Variants in KCNQ5 observed in about 807,000 individuals in gnomAD.
KCNQ5 encodes potassium voltage-gated channel subfamily Q member 5.
KCNQ5 carries 30 observed loss-of-function variants against 98.2 expected under a neutral mutation model. The ratio of observed to expected loss-of-function variants is 0.31; its 90% CI spans 0.23 to 0.41. The LOEUF (loss-of-function observed/expected upper bound fraction) is 0.41, where lower values mean the gene tolerates loss of function less well. Among genes scored for constraint, KCNQ5 ranks in the 10% least tolerant of loss-of-function variants. KCNQ5 has a pLI of 1.00. For missense variants in KCNQ5, 835 were observed against 1,182.5 expected (o/e 0.71, Z 4.31); for synonymous variants, 458 against 449.4 (o/e 1.02, Z -0.24).
chr6:72,930,083 C>A (rs1464356168), intron 1 of KCNQ5, among the ~76,000 whole-genome samples: 1 of 151,806 alleles, frequency 6.6e-6, no homozygotes, highest in Non-Finnish European at 1.5e-5. Context: ...TATGAATGAC[C>A]ATTTTTTAAG....
At chr6:72,724,894 A>G (rs1477699912) in intron 1 of KCNQ5, among the ~76,000 whole-genome samples, 1 of 152,226 alleles carries the variant, frequency 6.6e-6, no homozygotes, top group African/African-American at 2.4e-5. Flanking sequence ...TTAACTTACC[A>G]TAGGCTTCAG....
At chr6:73,172,744 G>T (rs1582485256) in intron 11 of KCNQ5, among the ~76,000 whole-genome samples, 2 of 152,012 alleles carry the variant, frequency 1.3e-5, no homozygotes, top group South Asian at 4.1e-4. Context: ...GTAACTTTGG[G>T]CATTTTTCTT....
chr6:72,782,499 T>C (rs1437740379), intron 1 of KCNQ5, among the ~76,000 whole-genome samples: 1 of 152,166 alleles, frequency 6.6e-6, no homozygotes, highest in Non-Finnish European at 1.5e-5. Context: ...CCATTTTCCT[T>C]TTAAAATTCC....
At chr6:73,052,537 C>T (rs576478112) in intron 3 of KCNQ5, among the ~76,000 whole-genome samples, 1 of 152,170 alleles carries the variant, frequency 6.6e-6, no homozygotes, top group Admixed American at 6.5e-5. Context: ...TAACAGCACA[C>T]CTTTCAGCAG....
intron 1 of KCNQ5, among the ~76,000 whole-genome samples, chr6:73,001,458 A>G (rs1212146138): frequency 6.6e-6 from 1 of 152,212 alleles, no homozygotes; most frequent in Non-Finnish European, 1.5e-5. Context: ...TCAAATATTG[A>G]TGAAGAAGGA....
Position 73,194,547 on chromosome 6 carries a change from C to T in KCNQ5, c.1932C>T (p.Phe644=). Reference sequence around the variant, plus strand: ...CCTCAGCCCTCGCTTTGGCTTCATTCCAGATCCCACCTTTTGAATGTGAAC... The same window carrying T: ...CCTCAGCCCTCGCTTTGGCTTCATTTCAGATCCCACCTTTTGAATGTGAAC... The part of the protein sequence containing the change: ...GSASALALAS[F]QIPPFECEQT... Residue 644 remains phenylalanine (F), a synonymous_variant, in exon 14 of 14, where the codon TTC becomes TTT. Coordinates refer to ENST00000370398, the MANE Select transcript of KCNQ5 (RefSeq NM_019842.4). 6.2e-7 allele frequency: 1 copy of T among 1,614,214 alleles called. No individual in the cohort carries two copies. The highest frequency in any genetic ancestry group is 1.1e-5 in the South Asian group (1 of 91,080).
intron 1 of KCNQ5, among the ~76,000 whole-genome samples, chr6:72,715,046 CAT>C (rs1769575945): frequency 6.6e-6 from 1 of 151,998 alleles, no homozygotes; most frequent in Non-Finnish European, 1.5e-5. Context: ...AGCTAAATAA[CAT>C]AGTATTTGTT....
intron 1 of KCNQ5, among the ~76,000 whole-genome samples, chr6:72,634,212 A>C (rs1405323804): frequency 6.6e-6 from 1 of 152,194 alleles, no homozygotes; most frequent in Non-Finnish European, 1.5e-5. Context: ...TAAATGAATT[A>C]TAGTTAAAAT....
chr6:72,658,580 T>TATATATATATATATATA (rs35213829), intron 1 of KCNQ5, among the ~76,000 whole-genome samples: 1 of 64,864 alleles, frequency 1.5e-5, no homozygotes, highest in African/African-American at 7.3e-5. Flanking sequence ...ATATATATAT[T>TATATATATATATATATA]TTTTTTTTTT....
chr6:72,982,499 T>C (rs1002635184), intron 1 of KCNQ5, among the ~76,000 whole-genome samples: 3 of 146,398 alleles, frequency 2.0e-5, no homozygotes, highest in Non-Finnish European at 4.5e-5. Flanking sequence ...TTTTTTTTTT[T>C]TTTTTTTTTT....
intron 1 of KCNQ5, among the ~76,000 whole-genome samples, chr6:72,849,103 C>T (rs761181408): frequency 3.5e-5 from 5 of 143,554 alleles, no homozygotes; most frequent in Admixed American, 7.0e-5. Flanking sequence ...GGCTGAGTAG[C>T]GTATGTACAC....
At chr6:72,826,045 G>C (rs1775980405) in intron 1 of KCNQ5, among the ~76,000 whole-genome samples, 1 of 151,942 alleles carries the variant, frequency 6.6e-6, no homozygotes, top group African/African-American at 2.4e-5. Context: ...CTGATTCTGG[G>C]GCCCTTTTTC....
At chr6:73,136,998 CAAAT>C (rs759097996) in intron 10 of KCNQ5, among the ~76,000 whole-genome samples, 4 of 150,568 alleles carry the variant, frequency 2.7e-5, no homozygotes, top group Non-Finnish European at 4.4e-5. Context: ...GGAGAATAGA[CAAAT>C]AAAAGAAAGA....
chr6:72,987,568 G>T, intron 1 of KCNQ5: 2 of 629,008 alleles, frequency 3.2e-6, no homozygotes, highest in South Asian at 1.5e-5. Context: ...GTCCAACATA[G>T]CCCTCAGCAA....
intron 1 of KCNQ5, among the ~76,000 whole-genome samples, chr6:72,966,822 T>C (rs1477241565): frequency 6.6e-6 from 1 of 152,194 alleles, no homozygotes; most frequent in Admixed American, 6.5e-5. Flanking sequence ...GCACTTCCTC[T>C]GTGACTCAAT....
Position 73,194,476 on chromosome 6 carries a change from G to T in KCNQ5, c.1861G>T (p.Asp621Tyr). 1 of 1,613,874 alleles carries T rather than the reference G, an allele frequency of 6.2e-7. No homozygotes were observed. The highest frequency in any genetic ancestry group is 8.5e-7 in the Non-Finnish European group (1 of 1,179,832). ...GGTACAGTCCATAGAATCCAAGCTG[G>T]ACTGCCTACTAGACATCTATCAACA... ...KQVQSIESKL[D>Y]CLLDIYQQVL... The change falls in exon 14 of 14, where the codon GAC (aspartate) becomes TAC (tyrosine). Residue 621 changes from aspartate to tyrosine, a missense_variant. Asp to Tyr is a radical substitution (Grantham distance 160, BLOSUM62 -3). Transcript: ENST00000370398.
chr6:72,924,606 C>T (rs1036594302), intron 1 of KCNQ5, among the ~76,000 whole-genome samples: 3 of 152,188 alleles, frequency 2.0e-5, no homozygotes, highest in Non-Finnish European at 4.4e-5. Flanking sequence ...AGAGCTCTCA[C>T]GCAGGTGGAA....
chr6:72,897,482 C>G (rs888432037), intron 1 of KCNQ5, among the ~76,000 whole-genome samples: 2 of 152,002 alleles, frequency 1.3e-5, no homozygotes, highest in Non-Finnish European at 1.5e-5. Flanking sequence ...ACAGCTGTTG[C>G]GGGGAGCCGA....
chr6:72,933,801 A>G (rs1582041889), intron 1 of KCNQ5, among the ~76,000 whole-genome samples: 1 of 152,208 alleles, frequency 6.6e-6, no homozygotes, highest in Non-Finnish European at 1.5e-5. Flanking sequence ...AGAGGATTTT[A>G]TAGTTTACCT....
Sources: allele counts gnomAD v4.1 joint callset (sites outside exome capture counted in the v4.1 genomes callset), GRCh38; gene constraint gnomAD v4.1.1; transcripts MANE v1.5; gene names NCBI Gene and HGNC (gene_info 2026-07-23, HGNC 2026-07-21).